Variants in SUGCT observed in about 807,000 individuals in gnomAD.
SUGCT encodes the protein succinyl-CoA:glutarate-CoA transferase.
In SUGCT, 41 loss-of-function variants were observed where a neutral mutation model predicts 55.0. The ratio of observed to expected loss-of-function variants is 0.74; its 90% CI spans 0.58 to 0.97. The LOEUF (loss-of-function observed/expected upper bound fraction) is 0.97. Ranked by LOEUF, SUGCT falls within the 50% of genes least tolerant of loss-of-function variation. The pLI, the probability that SUGCT is intolerant of heterozygous loss-of-function variation, is 0.00. For synonymous variants in SUGCT, 187 were observed against 200.4 expected (o/e 0.93, Z 0.56); for missense variants, 568 against 547.8 (o/e 1.04, Z -0.37).
the SUGCT span, among the ~76,000 whole-genome samples, chr7:40,935,864 A>G: frequency 6.6e-6 from 1 of 152,200 alleles, no homozygotes; most frequent in African/African-American, 2.4e-5. Flanking sequence ...TCTCACCAGC[A>G]GTTTATATGG....
intron 1 of SUGCT, among the ~76,000 whole-genome samples, chr7:40,159,687 C>T (rs910848511): frequency 6.6e-6 from 1 of 151,990 alleles, no homozygotes; most frequent in African/African-American, 2.4e-5. Flanking sequence ...GTTTTTATAG[C>T]TATCCTCAGA....
At chr7:40,451,544 T>A (rs1789191285) in intron 10 of SUGCT, among the ~76,000 whole-genome samples, 1 of 152,204 alleles carries the variant, frequency 6.6e-6, no homozygotes, top group Non-Finnish European at 1.5e-5. Context: ...GATTTTCTCA[T>A]ATGAGAGTTA....
intron 7 of SUGCT, among the ~76,000 whole-genome samples, chr7:40,243,760 CTG>C (rs941479096): frequency 7.2e-5 from 11 of 152,152 alleles, no homozygotes; most frequent in Non-Finnish European, 1.3e-4. Flanking sequence ...GAATTCAACT[CTG>C]TGTCCTAGTT....
intron 12 of SUGCT, among the ~76,000 whole-genome samples, chr7:40,653,380 A>G (rs1429651544): frequency 2.0e-5 from 3 of 152,180 alleles, no homozygotes; most frequent in Admixed American, 2.0e-4. Context: ...TTAATACCCA[A>G]TTCTTGAGCT....
chr7:41,035,851 A>AC, the SUGCT span, among the ~76,000 whole-genome samples: 7 of 151,952 alleles, frequency 4.6e-5, no homozygotes, highest in African/African-American at 9.7e-5. Flanking sequence ...CCTCACAGGA[A>AC]CCCCCAGCCT....
At chr7:40,326,903 A>C (rs1281152652) in intron 9 of SUGCT, among the ~76,000 whole-genome samples, 3 of 152,246 alleles carry the variant, frequency 2.0e-5, no homozygotes, top group African/African-American at 7.2e-5. Context: ...TTGGTTTTAA[A>C]AAGTGAAGGA....
At chr7:40,455,669 G>T (rs972869785) in intron 10 of SUGCT, among the ~76,000 whole-genome samples, 2 of 152,200 alleles carry the variant, frequency 1.3e-5, no homozygotes, top group African/African-American at 4.8e-5. Flanking sequence ...ATCTGAATTT[G>T]TTGAGAAATT....
At chr7:40,943,590 T>C in the SUGCT span, among the ~76,000 whole-genome samples, 1 of 150,468 alleles carries the variant, frequency 6.6e-6, no homozygotes, top group Admixed American at 6.7e-5. Context: ...TTCATCCATG[T>C]CCCTACAAAG....
At chr7:40,383,511 C>G (rs908454857) in intron 9 of SUGCT, among the ~76,000 whole-genome samples, 3 of 152,144 alleles carry the variant, frequency 2.0e-5, no homozygotes, top group Admixed American at 2.0e-4. Context: ...AAGGACTGTG[C>G]TACTTGATGT....
the SUGCT span, among the ~76,000 whole-genome samples, chr7:41,016,733 C>T: frequency 6.6e-6 from 1 of 152,144 alleles, no homozygotes; most frequent in Non-Finnish European, 1.5e-5. Context: ...GCCTTGGTCC[C>T]TCATTTCATT....
intron 12 of SUGCT, among the ~76,000 whole-genome samples, chr7:40,559,954 T>C (rs904642129): frequency 6.6e-6 from 1 of 152,254 alleles, no homozygotes; most frequent in African/African-American, 2.4e-5. Context: ...TTTTGGTATC[T>C]GGATAGGCAA....
chr7:40,526,607 CA>C (rs1793812166), intron 12 of SUGCT, among the ~76,000 whole-genome samples: 1 of 152,070 alleles, frequency 6.6e-6, no homozygotes, highest in East Asian at 1.9e-4. Flanking sequence ...CGTTGAGAAC[CA>C]GTGGTTTGGG....
At chr7:40,203,432 C>T (rs527561388) in intron 6 of SUGCT, among the ~76,000 whole-genome samples, 127 of 152,154 alleles carry the variant, frequency 8.3e-4, no homozygotes, top group Non-Finnish European at 1.5e-3. Context: ...AACATTAAGT[C>T]GAGTGAACAT....
intron 11 of SUGCT, among the ~76,000 whole-genome samples, chr7:40,460,441 TTTC>T (rs1158588080): frequency 1.3e-5 from 2 of 152,244 alleles, no homozygotes. Flanking sequence ...TGCCCATTTA[TTTC>T]TTCTTTTTGC....
chr7:40,899,315 CTTTA>C, the SUGCT span, among the ~76,000 whole-genome samples: 9 of 152,286 alleles, frequency 5.9e-5, no homozygotes, highest in African/African-American at 1.4e-4. Flanking sequence ...AGGCAAGGCC[CTTTA>C]TTTACCCCTC....
the SUGCT span, among the ~76,000 whole-genome samples, chr7:40,986,072 A>T: frequency 6.6e-6 from 1 of 152,242 alleles, no homozygotes; most frequent in African/African-American, 2.4e-5. Flanking sequence ...AATTTTACAC[A>T]ACATGAGCCG....
the SUGCT span, among the ~76,000 whole-genome samples, chr7:40,949,611 C>A: frequency 2.0e-5 from 3 of 152,080 alleles, no homozygotes; most frequent in Non-Finnish European, 4.4e-5. Flanking sequence ...GTCTTTAATC[C>A]ATCTTGAATT....
At chr7:40,541,987 A>C (rs960098827) in intron 12 of SUGCT, among the ~76,000 whole-genome samples, 1 of 152,152 alleles carries the variant, frequency 6.6e-6, no homozygotes, top group Non-Finnish European at 1.5e-5. Flanking sequence ...GAGATAGTGG[A>C]ATATATGAAG....
intron 7 of SUGCT, among the ~76,000 whole-genome samples, chr7:40,244,687 T>TA (rs1348333745): frequency 2.0e-5 from 3 of 152,230 alleles, no homozygotes; most frequent in Non-Finnish European, 2.9e-5. Flanking sequence ...AAATTGCTCT[T>TA]ACATTGCTGT....
Sources: gnomAD v4.1 joint callset for allele counts (sites outside exome capture counted in the v4.1 genomes callset) on GRCh38, gnomAD v4.1.1 for gene constraint, MANE v1.5 for transcripts, NCBI Gene and HGNC (gene_info 2026-07-23, HGNC 2026-07-21) for gene names.